The following SYTL5 variants were observed in gnomAD, a reference collection of about 807,000 sequenced individuals.
The protein encoded by SYTL5 is synaptotagmin like 5.
In SYTL5, 34 loss-of-function variants were observed where a neutral mutation model predicts 55.9. The ratio of observed to expected loss-of-function variants is 0.61; its 90% CI spans 0.46 to 0.81. The LOEUF is 0.81. Among genes scored for constraint, SYTL5 ranks in the 30% least tolerant of loss-of-function variants. SYTL5 has a pLI of 0.00. For synonymous variants in SYTL5, 221 were observed against 188.7 expected (o/e 1.17, Z -1.40); for missense variants, 637 against 546.7 (o/e 1.17, Z -1.65).
At chrX:38,075,418 C>G (rs1400175487) in intron 5 of SYTL5, among the ~76,000 whole-genome samples, 1 of 111,669 alleles carries the variant, frequency 9.0e-6, no homozygotes, top group African/African-American at 3.3e-5. Flanking sequence ...TTATAAATTA[C>G]TGAGTACATA....
chrX:37,925,699 C>G, the SYTL5 span, among the ~76,000 whole-genome samples: 1 of 110,602 alleles, frequency 9.0e-6, no homozygotes, highest in Admixed American at 9.7e-5. Flanking sequence ...TTTTGGTTCA[C>G]CCATCAGCCA....
chrX:38,083,052 A>G (rs770995234), intron 6 of SYTL5, among the ~76,000 whole-genome samples: 2 of 111,770 alleles, frequency 1.8e-5, no homozygotes, highest in South Asian at 7.6e-4. Context: ...TAGTTGCTGA[A>G]AGTTAAGTTC....
intron 13 of SYTL5, among the ~76,000 whole-genome samples, chrX:38,110,845 C>T (rs1476167943): frequency 8.9e-6 from 1 of 111,763 alleles, no homozygotes; most frequent in Non-Finnish European, 1.9e-5. Context: ...CCAAACATTA[C>T]CTTTATTTCT....
chrX:38,099,408 T>C (rs1365882327), intron 9 of SYTL5, among the ~76,000 whole-genome samples: 2 of 111,271 alleles, frequency 1.8e-5, no homozygotes, highest in Non-Finnish European at 3.8e-5. Context: ...AGGGGCAATT[T>C]GAAAAAATAA....
chrX:38,109,022 G>A (rs1009783212), intron 12 of SYTL5, among the ~76,000 whole-genome samples: 4 of 112,046 alleles, frequency 3.6e-5, no homozygotes, highest in African/African-American at 6.5e-5. Context: ...TCTGACTTCC[G>A]TAAAAGAAGC....
At chrX:38,075,892 G>A (rs1401413653) in intron 5 of SYTL5, among the ~76,000 whole-genome samples, 1 of 111,966 alleles carries the variant, frequency 8.9e-6, no homozygotes, top group East Asian at 2.8e-4. Context: ...CCCATGTTTT[G>A]GGCACATGGT....
chrX:38,004,052 A>G (rs779958628), upstream of SYTL5, among the ~76,000 whole-genome samples: 5 of 111,935 alleles, frequency 4.5e-5, no homozygotes, highest in African/African-American at 1.6e-4. Context: ...ATTTTTCCCT[A>G]TAGAGTTATT....
At chrX:38,074,983 T>C (rs764336998) in intron 5 of SYTL5, among the ~76,000 whole-genome samples, 1 of 110,937 alleles carries the variant, frequency 9.0e-6, no homozygotes, top group Admixed American at 9.7e-5. Flanking sequence ...AGTGGTTTCT[T>C]TGCTTCTGTG....
Position 38,127,396 on chromosome X carries a change from T to G in SYTL5, c.*666T>G, listed in dbSNP as rs986925850. Reference sequence around the variant, plus strand: ...TAGAATTGACCTGGGAAAATTGGGATGTAGGGTCACCCTACTGATGACCTA... The same window carrying G: ...TAGAATTGACCTGGGAAAATTGGGAGGTAGGGTCACCCTACTGATGACCTA... On this transcript the variant is annotated 3_prime_UTR_variant, in exon 17 of 17. Coordinates refer to ENST00000297875, the MANE Select transcript of SYTL5 (RefSeq NM_138780.3). 1 of 112,276 alleles carries G rather than the reference T, an allele frequency of 8.9e-6. No individual in the cohort carries two copies. Among genetic ancestry groups the G allele is most frequent in the Admixed American group, 9.4e-5 (1 of 10,618 alleles). 9.3% of individuals were successfully genotyped at this position (112,276 alleles called of 1,213,427 possible). A position where few individuals can be genotyped will look rare whatever the true frequency, so the allele number is the denominator to read the frequency against.
intron 1 of SYTL5, chrX:38,023,859 C>G (rs992763119): frequency 9.1e-6 from 1 of 109,627 alleles, no homozygotes; most frequent in Non-Finnish European, 1.9e-5. Flanking sequence ...TTAAAAATAT[C>G]AAAATACACA....
intron 2 of SYTL5, among the ~76,000 whole-genome samples, chrX:38,047,520 G>A (rs1161017159): frequency 8.9e-6 from 1 of 112,728 alleles, no homozygotes; most frequent in South Asian, 3.7e-4. Flanking sequence ...GAGACCCTGG[G>A]CCCTGCCCAT....
At chrX:38,118,952 CATAT>C (rs36070047) in intron 13 of SYTL5, among the ~76,000 whole-genome samples, 1 of 89,706 alleles carries the variant, frequency 1.1e-5, no homozygotes, top group African/African-American at 4.5e-5. Flanking sequence ...TACGCATATA[CATAT>C]ATATATATAT....
At chrX:38,005,783 G>A (rs1409772906), upstream of SYTL5, among the ~76,000 whole-genome samples, 1 of 111,783 alleles carries the variant, frequency 8.9e-6, no homozygotes, top group Non-Finnish European at 1.9e-5. Flanking sequence ...GGTACTTCAA[G>A]CTAGACTCAC....
chrX:38,065,403 T>C (rs1175980524), intron 3 of SYTL5, among the ~76,000 whole-genome samples: 1 of 112,227 alleles, frequency 8.9e-6, no homozygotes, highest in Non-Finnish European at 1.9e-5. Context: ...TCTGTTTTCA[T>C]TATGTTGAAA....
chrX:38,027,494 G>A (rs1486737336), intron 1 of SYTL5, among the ~76,000 whole-genome samples: 2 of 111,565 alleles, frequency 1.8e-5, no homozygotes, highest in Middle Eastern at 4.6e-3. Context: ...GGAAAAAAAC[G>A]ACAACAACAA....
chrX:38,037,353 A>G (rs1041940687), intron 2 of SYTL5, among the ~76,000 whole-genome samples: 2 of 111,823 alleles, frequency 1.8e-5, no homozygotes, highest in Admixed American at 9.5e-5. Flanking sequence ...AGAGCACTAC[A>G]TAAGTCGCTT....
the SYTL5 span, among the ~76,000 whole-genome samples, chrX:37,898,025 G>A: frequency 1.7e-4 from 19 of 111,442 alleles, no homozygotes; most frequent in Admixed American, 1.4e-3. Flanking sequence ...TTGAACCCGG[G>A]AGGCGGAGGT....
intron 15 of SYTL5, among the ~76,000 whole-genome samples, chrX:38,125,049 G>A (rs759394228): frequency 1.8e-5 from 2 of 111,876 alleles, no homozygotes; most frequent in Non-Finnish European, 3.8e-5. Context: ...GCATTCAATA[G>A]TGTCTATTAC....
At chrX:38,049,621 T>G (rs1424103428) in intron 2 of SYTL5, among the ~76,000 whole-genome samples, 1 of 111,590 alleles carries the variant, frequency 9.0e-6, no homozygotes, top group Non-Finnish European at 1.9e-5. Context: ...TAAAGGTATA[T>G]CGTTTCTGAT....
Sources: allele counts gnomAD v4.1 joint callset (sites outside exome capture counted in the v4.1 genomes callset), GRCh38; gene constraint gnomAD v4.1.1; transcripts MANE v1.5; gene names NCBI Gene and HGNC (gene_info 2026-07-23, HGNC 2026-07-21).